The following A2M variants were observed in gnomAD, a reference collection of about 807,000 sequenced individuals.
A2M encodes the protein C3 and PZP-like alpha-2-macroglobulin domain-containing protein 5.
In A2M, 128 loss-of-function variants were observed where a neutral mutation model predicts 183.9. The observed-to-expected ratio is 0.70, with a 90% CI of 0.60 to 0.81. The LOEUF (loss-of-function observed/expected upper bound fraction) is 0.81, where lower values mean the gene tolerates loss of function less well. A2M is among the 30% of genes least tolerant of loss of function. The pLI, the probability that A2M is intolerant of heterozygous loss-of-function variation, is 0.00. For synonymous variants in A2M, 592 were observed against 670.8 expected (o/e 0.88, Z 1.81); for missense variants, 1,495 against 1,787.6 (o/e 0.84, Z 2.95).
chr12:9,107,883 T>A (rs1565602442), intron 7 of A2M, among the ~76,000 whole-genome samples: 1 of 152,206 alleles, frequency 6.6e-6, no homozygotes, highest in East Asian at 1.9e-4. Flanking sequence ...CGTTTTTTTT[T>A]AGTTTTATCT....
At chr12:9,110,373 CA>C (rs1351952200) in intron 4 of A2M, 39 bp from the exon 5 acceptor site, 3 of 1,267,574 alleles carry the variant, frequency 2.4e-6, no homozygotes, top group Non-Finnish European at 3.2e-6. Flanking sequence ...TAATTATTTT[CA>C]AATATTCTTA....
Position 9,080,105 on chromosome 12 carries a change from A to T in A2M, c.2843T>A (p.Val948Asp). ...GGCTGGAGACTCACCCAAAACTGAG[A>T]CAGAAGCTCGGGCAGATTCTTCTAC... Reference protein sequence around the residue: ...NVVEESARASVSVLGDILGSA... With the variant: ...NVVEESARASDSVLGDILGSA... The change falls in exon 23 of 36, where the codon GTC (valine) becomes GAC (aspartate). Residue 948 changes from valine to aspartate, a missense_variant. Coordinates refer to ENST00000318602, the MANE Select transcript of A2M (RefSeq NM_000014.6). 1.3e-6 allele frequency: 2 copies of T among 1,585,768 alleles called. No individual in the cohort carries two copies. Among genetic ancestry groups the T allele is most frequent in the Non-Finnish European group, 1.7e-6 (2 of 1,165,086 alleles).
intron 11 of A2M, 97 bp from the exon 12 acceptor site, chr12:9,101,771 G>A (rs1386050369): frequency 1.1e-5 from 10 of 947,182 alleles, no homozygotes; most frequent in Non-Finnish European, 1.6e-5. Flanking sequence ...ACCTTAACTA[G>A]TAGCTAGAAA....
intron 17 of A2M, among the ~76,000 whole-genome samples, chr12:9,093,790 G>A (rs1013521720): frequency 1.3e-4 from 20 of 149,100 alleles, no homozygotes; most frequent in South Asian, 1.2e-3. Flanking sequence ...GCCGGGCGCG[G>A]TGGCTCATGC....
At chr12:9,116,187 C>T (rs932752658), upstream of A2M, 2 of 336,178 alleles carry the variant, frequency 5.9e-6, no homozygotes, top group Non-Finnish European at 1.2e-5. Context: ...TCCCCCACAA[C>T]TCCTCACAAC....
intron 28 of A2M, 98 bp downstream of exon 28, chr12:9,076,655 AGAG>A (rs1418915690): frequency 9.6e-7 from 1 of 1,040,980 alleles, no homozygotes; most frequent in Non-Finnish European, 1.4e-6. Flanking sequence ...AGAAAAGAAG[AGAG>A]GAGACAGGGA....
At chr12:9,101,775 C>T in intron 11 of A2M, 101 bp from the exon 12 acceptor site, 1 of 927,110 alleles carries the variant, frequency 1.1e-6, no homozygotes, top group Non-Finnish European at 1.6e-6. Flanking sequence ...TAACTAGTAG[C>T]TAGAAATCTT....
chr12:9,072,604 A>C (rs769234795), intron 30 of A2M, 49 bp downstream of exon 30: 2 of 1,602,920 alleles, frequency 1.2e-6, no homozygotes, highest in East Asian at 4.5e-5. Context: ...CTCAGAGAGA[A>C]CAGCTGCTGT....
At chr12:9,074,814 G>T in intron 28 of A2M, 31 bp from the exon 29 acceptor site, 1 of 1,559,740 alleles carries the variant, frequency 6.4e-7, no homozygotes, top group Non-Finnish European at 8.7e-7. Context: ...ATTTATAAGT[G>T]CCTACATATT....
chr12:9,094,601 T>G (rs920552315), intron 17 of A2M, among the ~76,000 whole-genome samples: 4 of 152,016 alleles, frequency 2.6e-5, no homozygotes, highest in African/African-American at 9.7e-5. Context: ...TACTATTCAG[T>G]TCATCAAAGA....
rs200986115 is a variant in A2M, at chr12:9,074,614, G to A, written c.3702C>T (p.Ile1234=). 1,679 of 1,613,790 alleles carry A rather than the reference G, an allele frequency of 1.0e-3. 5 individuals carry two copies. Among genetic ancestry groups the A allele is most frequent in the Non-Finnish European group, 1.1e-3 (1,292 of 1,179,904 alleles). The change falls in exon 29 of 36, where the codon ATC becomes ATT. Residue 1234 remains isoleucine, a synonymous_variant. Transcript: ENST00000318602. ...TSEDLTSATN[I]VKWITKQQNA... is the part of the protein sequence containing the mutation. ...TCTGCTGCTTCGTGATCCACTTCAC[G>A]ATGTTGGTTGCAGAGGTCAGGTCCT...
Position 9,089,953 on chromosome 12 carries a change from T to G in A2M, c.2667A>C (p.Ser889=). 1.2e-6 allele frequency: 2 copies of G among 1,612,752 alleles called. No homozygotes were observed. The highest frequency in any genetic ancestry group is 2.2e-5 in the South Asian group (2 of 90,922). The change falls in exon 21 of 36, where the codon TCA becomes TCC. Residue 889 remains serine (S), a synonymous_variant. Transcript: ENST00000318602. ...TGTCTTTCCTTCCGTGTTCAGGAAC[T>G]GAAGGCACCTCAGTCCCACACAGCT... ...SQELCGTEVP[S]VPEHGRKDTV...
At chr12:9,080,298 C>T (rs772757519) in intron 22 of A2M, 121 bp from the exon 23 acceptor site, 58 of 539,810 alleles carry the variant, frequency 1.1e-4, no homozygotes, top group East Asian at 1.3e-4. Context: ...AAAAGTTGTC[C>T]GCCTTTAATA....
intron 16 of A2M, 29 bp downstream of exon 16, chr12:9,095,510 T>G: frequency 6.3e-7 from 1 of 1,595,976 alleles, no homozygotes; most frequent in South Asian, 1.1e-5. Context: ...AAGCTTAAGA[T>G]CAGACCATCT....
chr12:9,094,186 C>G (rs1949297904), intron 17 of A2M, among the ~76,000 whole-genome samples: 1 of 151,894 alleles, frequency 6.6e-6, no homozygotes, highest in South Asian at 2.1e-4. Flanking sequence ...CTTTGAGAAA[C>G]AGTTTACAGG....
At chr12:9,099,585 T>G in intron 13 of A2M, 62 bp from the exon 14 acceptor site, 1 of 1,529,364 alleles carries the variant, frequency 6.5e-7, no homozygotes. Flanking sequence ...CATTAGTAGA[T>G]GTAACAGACA....
At chr12:9,102,304 C>T (rs1382598500) in intron 11 of A2M, among the ~76,000 whole-genome samples, 2 of 152,156 alleles carry the variant, frequency 1.3e-5, no homozygotes, top group African/African-American at 4.8e-5. Context: ...CAATCTCTGC[C>T]TCTGGGGCTC....
rs765696438 is a variant in A2M, at chr12:9,099,454, T to C, written c.1628A>G (p.Tyr543Cys). 7 of 1,606,796 alleles carry C rather than the reference T, an allele frequency of 4.4e-6. No individual in the cohort carries two copies. The highest frequency in any genetic ancestry group is 3.4e-5 in the Admixed American group (2 of 59,096). ...CACGTCCCCGGTAGGTAAAACAGCATAGATGAGCAACCGAGCGACAGGAGC... is the reference window on the plus strand; with the variant it reads ...CACGTCCCCGGTAGGTAAAACAGCACAGATGAGCAACCGAGCGACAGGAGC... ...DIAPVARLLI[Y>C]AVLPTGDVIG... The change falls in exon 14 of 36, where the codon TAT becomes TGT. Residue 543 changes from tyrosine to cysteine, a missense_variant. Coordinates refer to ENST00000318602, the MANE Select transcript of A2M (RefSeq NM_000014.6).
rs1948769906 is a variant in A2M at position 9,077,051 on chromosome 12, C to A, written c.3352-115G>T. ...TTTCAAACGCATTTTTCCAACGATT[C>A]CTCATTCTTATCAATAGATATAATA... On this transcript the variant is annotated intron_variant, in intron 27 of 35. Coordinates refer to ENST00000318602, the MANE Select transcript of A2M (RefSeq NM_000014.6). The A allele has an allele frequency of 7.9e-6, 7 of 890,686 alleles. No homozygotes were observed. In the South Asian group the frequency reaches 1.5e-4, roughly 19 times the overall value. 55.2% of individuals were successfully genotyped at this position (890,686 alleles called of 1,614,324 possible). A position where few individuals can be genotyped will look rare whatever the true frequency, so the allele number is the denominator to read the frequency against.
Sources: gnomAD v4.1 joint callset for allele counts (sites outside exome capture counted in the v4.1 genomes callset) on GRCh38, gnomAD v4.1.1 for gene constraint, MANE v1.5 for transcripts, NCBI Gene and HGNC (gene_info 2026-07-23, HGNC 2026-07-21) for gene names.